The following TBL1X variants were observed in gnomAD, a reference collection of about 807,000 sequenced individuals.
TBL1X encodes the protein transducin beta like 1 X-linked.
A neutral mutation model predicts 50.7 loss-of-function variants in TBL1X; 10 were observed. The observed-to-expected ratio is 0.20, with a 90% confidence interval of 0.12 to 0.33. The LOEUF (loss-of-function observed/expected upper bound fraction) is 0.33. Ranked by LOEUF, TBL1X falls within the 10% of genes least tolerant of loss-of-function variation. TBL1X has a pLI of 1.00. For synonymous variants in TBL1X, 190 were observed against 214.7 expected, an observed-to-expected ratio of 0.88 and a Z score of 1.01; for missense variants, 340 against 504.4, an observed-to-expected ratio of 0.67 and a Z score of 3.12.
intron 2 of TBL1X, among the ~76,000 whole-genome samples, chrX:9,536,567 T>C (rs1354786764): frequency 1.8e-5 from 2 of 111,669 alleles, no homozygotes; most frequent in African/African-American, 6.5e-5. Flanking sequence ...AGCACTTTTA[T>C]CATGTAGTAT....
At chrX:9,555,830 T>G (rs932947104) in intron 2 of TBL1X, among the ~76,000 whole-genome samples, 1 of 111,726 alleles carries the variant, frequency 9.0e-6, no homozygotes, top group African/African-American at 3.3e-5. Flanking sequence ...GTCAGGCCCC[T>G]TTTTCATATC....
intron 3 of TBL1X, chrX:9,644,797 AG>A (rs1460759257): frequency 3.6e-5 from 4 of 111,403 alleles, no homozygotes; most frequent in Non-Finnish European, 1.9e-5. Flanking sequence ...CTGGGATTAC[AG>A]GCGTGCGCCA....
chrX:9,618,538 G>T (rs531658472), intron 2 of TBL1X, among the ~76,000 whole-genome samples: 15 of 111,622 alleles, frequency 1.3e-4, no homozygotes, highest in African/African-American at 4.2e-4. Flanking sequence ...AATTAGCCGG[G>T]CATGGTGGCG....
At chrX:9,544,685 C>T (rs771908454) in intron 2 of TBL1X, among the ~76,000 whole-genome samples, 1 of 111,423 alleles carries the variant, frequency 9.0e-6, no homozygotes, top group Non-Finnish European at 1.9e-5. Flanking sequence ...GCCTCTGCCT[C>T]CCGAGTAGCT....
At chrX:9,490,258 A>C (rs1440783565) in intron 1 of TBL1X, among the ~76,000 whole-genome samples, 1 of 112,148 alleles carries the variant, frequency 8.9e-6, no homozygotes, top group Non-Finnish European at 1.9e-5. Context: ...GGTGTGAGCC[A>C]CTGCACCTAG....
chrX:9,529,780 CAAAAA>C (rs60004258), intron 2 of TBL1X, among the ~76,000 whole-genome samples: 1 of 80,646 alleles, frequency 1.2e-5, no homozygotes. Flanking sequence ...CTGTCTCTAC[CAAAAA>C]AAAAAAAAAA....
At chrX:9,681,802 C>G (rs913138866) in intron 5 of TBL1X, among the ~76,000 whole-genome samples, 3 of 112,747 alleles carry the variant, frequency 2.7e-5, no homozygotes, top group Non-Finnish European at 5.6e-5. Context: ...TAGATCTCAG[C>G]CCCACCCCTA....
At chrX:9,637,304 A>G (rs1039598123) in intron 2 of TBL1X, 2 of 111,930 alleles carry the variant, frequency 1.8e-5, no homozygotes, top group Non-Finnish European at 3.8e-5. Flanking sequence ...AATCTTTCTG[A>G]ATTCCAATAT....
chrX:9,479,663 G>A (rs146345937), intron 1 of TBL1X, among the ~76,000 whole-genome samples: 1,526 of 111,284 alleles, frequency 0.014, 29 homozygotes, highest in African/African-American at 0.048. Flanking sequence ...ATGTTTTAAG[G>A]TCATAAACTG....
chrX:9,656,641 A>G (rs776184138), intron 5 of TBL1X, among the ~76,000 whole-genome samples: 1 of 112,940 alleles, frequency 8.9e-6, no homozygotes, highest in East Asian at 2.8e-4. Flanking sequence ...TTCCTGATTC[A>G]TCAGTGTCAC....
At chrX:9,716,131 G>A (rs2083276808) in intron 17 of TBL1X, 89 bp from the exon 18 acceptor site, 4 of 989,770 alleles carry the variant, frequency 4.0e-6, no homozygotes, top group Admixed American at 2.4e-5. Context: ...GCTAGATTGG[G>A]CGTGGGGGCC....
intron 2 of TBL1X, among the ~76,000 whole-genome samples, chrX:9,546,533 A>C (rs760848975): frequency 1.8e-5 from 2 of 110,481 alleles, no homozygotes; most frequent in Admixed American, 1.9e-4. Flanking sequence ...AAACAAACAA[A>C]AAAACCCCCA....
At chrX:9,596,041 T>G (rs1569069396) in intron 2 of TBL1X, among the ~76,000 whole-genome samples, 1 of 112,280 alleles carries the variant, frequency 8.9e-6, no homozygotes, top group Non-Finnish European at 1.9e-5. Context: ...CTTTTCCTGT[T>G]TAGACTTTAT....
intron 2 of TBL1X, among the ~76,000 whole-genome samples, chrX:9,558,477 G>A (rs1415196684): frequency 2.8e-5 from 3 of 108,685 alleles, no homozygotes; most frequent in Middle Eastern, 4.4e-3. Context: ...AGATCTTGCC[G>A]TTGCACTCCA....
rs942346439 is a variant in TBL1X at position 9,708,865 on chromosome X, C to G, written c.1237-383C>G. 5.4e-5 allele frequency among the ~76,000 whole-genome samples: 6 copies of G among 111,488 alleles called. No homozygotes were observed. The South Asian group carries it at 1.9e-3, about 35-fold the overall frequency. On this transcript the variant is annotated intron_variant, in intron 13 of 17. Transcript: ENST00000645353. Reference sequence around the variant, plus strand: ...CCCGGGAGACAGAGTGAGACCCTGTCTGAAAAAGAAAAGTGCATAGGAAAG... The same window carrying G: ...CCCGGGAGACAGAGTGAGACCCTGTGTGAAAAAGAAAAGTGCATAGGAAAG...
chrX:9,654,375 G>A, intron 5 of TBL1X, 53 bp downstream of exon 5: 1 of 1,137,130 alleles, frequency 8.8e-7, no homozygotes. Context: ...CATCTTACAA[G>A]CAGAAGGATC....
At chrX:9,655,221 T>C (rs1017683172) in intron 5 of TBL1X, among the ~76,000 whole-genome samples, 2 of 110,947 alleles carry the variant, frequency 1.8e-5, no homozygotes, top group Non-Finnish European at 3.8e-5. Context: ...AAAAGAAATA[T>C]GTTGTCTCCT....
intron 2 of TBL1X, among the ~76,000 whole-genome samples, chrX:9,537,337 ACAGAATTTAC>A (rs1351378397): frequency 9.2e-6 from 1 of 108,206 alleles, no homozygotes; most frequent in African/African-American, 3.4e-5. Context: ...AATACATAAA[ACAGAATTTAC>A]CATCATAACC....
At chrX:9,581,020 G>C (rs2082438623) in intron 2 of TBL1X, among the ~76,000 whole-genome samples, 1 of 111,828 alleles carries the variant, frequency 8.9e-6, no homozygotes, top group African/African-American at 3.3e-5. Context: ...GTTGGCCTTG[G>C]CCCAGAGGAG....
Sources: gnomAD v4.1 joint callset for allele counts (sites outside exome capture counted in the v4.1 genomes callset) on GRCh38, gnomAD v4.1.1 for gene constraint, MANE v1.5 for transcripts, NCBI Gene and HGNC (gene_info 2026-07-23, HGNC 2026-07-21) for gene names.